NCAM2: variants seen among roughly 807,000 people sequenced by gnomAD.
NCAM2 encodes neural cell adhesion molecule 2.
In NCAM2, 30 loss-of-function variants were observed where a neutral mutation model predicts 98.1. That is an observed-to-expected ratio of 0.31 (90% confidence interval 0.23 to 0.41). The LOEUF (loss-of-function observed/expected upper bound fraction) is 0.41. Ranked by LOEUF, NCAM2 falls within the 10% of genes least tolerant of loss-of-function variation. NCAM2 has a pLI of 1.00. For missense variants in NCAM2, 867 were observed against 1,005.8 expected (o/e 0.86, Z 1.87); for synonymous variants, 368 against 342.4 (o/e 1.07, Z -0.83).
At position 21,335,529 on chromosome 21, in the gene NCAM2, T is replaced by C; in HGVS notation, c.762T>C (p.Asn254=). The C allele has an allele frequency of 1.3e-6, 2 of 1,596,658 alleles. No homozygotes were observed. The highest frequency in any genetic ancestry group is 2.3e-5 in the South Asian group (2 of 87,840). The change falls in exon 7 of 18, where the codon AAT becomes AAC. Residue 254 remains asparagine (N), a synonymous_variant. Transcript: ENST00000400546. ...GGAATGGCAAGCTCATTGAAGAAAA[T>C]GAGAAGTACATATTGAAAGGGAGCA... The part of the protein sequence containing the change: ...WFRNGKLIEE[N]EKYILKGSNT...
At chr21:21,150,722 T>C (rs1403463778) in intron 1 of NCAM2, among the ~76,000 whole-genome samples, 2 of 152,100 alleles carry the variant, frequency 1.3e-5, no homozygotes, top group Non-Finnish European at 2.9e-5. Context: ...TCTTATATTT[T>C]CTTTTGGATT....
At chr21:21,187,224 AAAAC>A (rs894147919) in intron 1 of NCAM2, among the ~76,000 whole-genome samples, 132 of 152,254 alleles carry the variant, frequency 8.7e-4, no homozygotes, top group Admixed American at 3.7e-3. Flanking sequence ...ACTCCGTCTA[AAAAC>A]AAACAAACAA....
intron 1 of NCAM2, among the ~76,000 whole-genome samples, chr21:21,207,778 C>G (rs563486062): frequency 6.6e-6 from 1 of 152,122 alleles, no homozygotes; most frequent in Non-Finnish European, 1.5e-5. Flanking sequence ...ACACTCCCCT[C>G]CCCAAATAGT....
chr21:21,176,631 A>G (rs188828424), intron 1 of NCAM2, among the ~76,000 whole-genome samples: 2 of 152,076 alleles, frequency 1.3e-5, no homozygotes, highest in African/African-American at 4.8e-5. Context: ...GGAGAAATTA[A>G]TAACATTTTA....
intron 1 of NCAM2, among the ~76,000 whole-genome samples, chr21:21,276,123 G>A (rs149207152): frequency 4.7e-4 from 71 of 151,458 alleles, no homozygotes; most frequent in African/African-American, 1.0e-3. Flanking sequence ...TTTCATTGTC[G>A]TCTATAAAGT....
intron 8 of NCAM2, among the ~76,000 whole-genome samples, chr21:21,370,139 C>A (rs566382437): frequency 6.6e-6 from 1 of 151,752 alleles, no homozygotes; most frequent in African/African-American, 2.4e-5. Context: ...CTTGTCCTTC[C>A]GTTTTGGCAT....
intron 15 of NCAM2, among the ~76,000 whole-genome samples, chr21:21,482,178 A>AG (rs1450092237): frequency 1.3e-5 from 2 of 152,196 alleles, no homozygotes; most frequent in Admixed American, 1.3e-4. Context: ...AAGTCATATC[A>AG]GAAACAAACC....
chr21:21,036,540 G>A (rs1323350536), intron 1 of NCAM2, among the ~76,000 whole-genome samples: 3 of 152,124 alleles, frequency 2.0e-5, no homozygotes, highest in Non-Finnish European at 4.4e-5. Flanking sequence ...ATGCTTATGG[G>A]CACAGAAGTC....
chr21:21,523,629 A>G (rs1989156339), intron 16 of NCAM2, among the ~76,000 whole-genome samples: 1 of 152,084 alleles, frequency 6.6e-6, no homozygotes, highest in Non-Finnish European at 1.5e-5. Context: ...AATGGTAACA[A>G]TGATATAAGG....
intron 1 of NCAM2, among the ~76,000 whole-genome samples, chr21:21,171,844 G>T (rs1037170618): frequency 6.0e-5 from 2 of 33,436 alleles, no homozygotes; most frequent in African/African-American, 9.4e-5. Flanking sequence ...TCAATCAACA[G>T]AATTTTTTTT....
At chr21:21,355,392 G>A (rs113210336) in intron 8 of NCAM2, among the ~76,000 whole-genome samples, 3 of 148,302 alleles carry the variant, frequency 2.0e-5, no homozygotes, top group Admixed American at 6.8e-5. Flanking sequence ...AACCCAGGAA[G>A]CAGAGGTTGC....
intron 15 of NCAM2, among the ~76,000 whole-genome samples, chr21:21,506,809 C>T (rs1322270523): frequency 6.6e-6 from 1 of 151,932 alleles, no homozygotes; most frequent in Non-Finnish European, 1.5e-5. Flanking sequence ...GACATTAATA[C>T]ATTATTTTTT....
chr21:21,435,826 T>C lies in NCAM2; in HGVS notation c.1654+3545T>C, dbSNP rs532353958. Among the ~76,000 whole-genome samples the C allele has an allele frequency of 4.6e-5, 7 of 152,324 alleles. No homozygotes were observed. In the South Asian group the frequency reaches 6.2e-4, roughly 14 times the overall value. ...CTTTATATCTCAAATGGTGATGTGA[T>C]CTCACTTTATATATAAAATCATGTT... On this transcript the variant is annotated intron_variant, in intron 12 of 17. Coordinates refer to ENST00000400546, the MANE Select transcript of NCAM2 (RefSeq NM_004540.5).
chr21:21,004,019 C>T (rs937298055), intron 1 of NCAM2, among the ~76,000 whole-genome samples: 11 of 152,108 alleles, frequency 7.2e-5, no homozygotes, highest in Admixed American at 4.6e-4. Flanking sequence ...TGTTAAACAC[C>T]AAGAGGCTTA....
At chr21:21,095,384 T>A (rs1160670863) in intron 1 of NCAM2, among the ~76,000 whole-genome samples, 1 of 151,652 alleles carries the variant, frequency 6.6e-6, no homozygotes, top group Admixed American at 6.6e-5. Flanking sequence ...GTATGTAATA[T>A]TGTAAAAGTG....
chr21:21,001,985 G>T (rs141414141), intron 1 of NCAM2, among the ~76,000 whole-genome samples: 2 of 152,266 alleles, frequency 1.3e-5, no homozygotes, highest in African/African-American at 4.8e-5. Context: ...CTCATCTTCT[G>T]TCGGGGCTGT....
intron 1 of NCAM2, among the ~76,000 whole-genome samples, chr21:21,185,630 C>CTT (rs2068615686): frequency 6.6e-6 from 1 of 152,136 alleles, no homozygotes; most frequent in Non-Finnish European, 1.5e-5. Flanking sequence ...TGTAGTATCA[C>CTT]CCAGCTGTTC....
intron 1 of NCAM2, among the ~76,000 whole-genome samples, chr21:21,047,493 A>G (rs1447991187): frequency 6.6e-6 from 1 of 152,238 alleles, no homozygotes; most frequent in Non-Finnish European, 1.5e-5. Flanking sequence ...ACAAAAAAGA[A>G]AAACAAGAAA....
At chr21:21,392,230 C>T (rs1293990069) in intron 9 of NCAM2, among the ~76,000 whole-genome samples, 1 of 152,190 alleles carries the variant, frequency 6.6e-6, no homozygotes, top group East Asian at 1.9e-4. Flanking sequence ...AGTTAGTTTG[C>T]TAAGGATAAT....
Sources: gnomAD v4.1 joint callset for allele counts (sites outside exome capture counted in the v4.1 genomes callset) on GRCh38, gnomAD v4.1.1 for gene constraint, MANE v1.5 for transcripts, NCBI Gene and HGNC (gene_info 2026-07-23, HGNC 2026-07-21) for gene names.